PGS1: variants seen among roughly 807,000 people sequenced by gnomAD.
PGS1 encodes phosphatidylglycerophosphate synthase 1.
In PGS1, 44 loss-of-function variants were observed where a neutral mutation model predicts 58.3. The ratio of observed to expected loss-of-function variants is 0.75; its 90% CI spans 0.59 to 0.97. The LOEUF (loss-of-function observed/expected upper bound fraction) is 0.97. Ranked by LOEUF, PGS1 falls within the 50% of genes least tolerant of loss-of-function variation. PGS1 has a pLI of 0.00. For missense variants in PGS1, 684 were observed against 731.1 expected (o/e 0.94, Z 0.74); for synonymous variants, 330 against 311.0 (o/e 1.06, Z -0.64).
intron 8 of PGS1, among the ~76,000 whole-genome samples, chr17:78,417,133 A>C (rs2085262669): frequency 1.3e-5 from 2 of 152,240 alleles, no homozygotes; most frequent in Admixed American, 1.3e-4. Context: ...GACCCAAGAA[A>C]GACTCCCTCG....
In PGS1 at chr17:78,383,336, C is replaced by A. The variant is rs528996954; in HGVS notation, c.143+4528C>A. Among the ~76,000 whole-genome samples the A allele has an allele frequency of 7.2e-5, 11 of 152,244 alleles. No homozygotes were observed. In the South Asian group the frequency reaches 2.3e-3, roughly 32 times the overall value. ...CTGCCTCCTGGCTTCAAGCGATTCT[C>A]CTGCCTCAGCCTCTCGAGTAGCTGG... On this transcript the variant is annotated intron_variant, in intron 1 of 9. Transcript: ENST00000262764.
At chr17:78,387,424 C>T (rs929557372) in intron 1 of PGS1, among the ~76,000 whole-genome samples, 11 of 145,452 alleles carry the variant, frequency 7.6e-5, no homozygotes, top group African/African-American at 1.3e-4. Context: ...CTCAGCCTCC[C>T]GAGTAGCTGG....
intron 7 of PGS1, among the ~76,000 whole-genome samples, chr17:78,408,956 G>A (rs914622273): frequency 3.3e-5 from 5 of 152,244 alleles, no homozygotes; most frequent in African/African-American, 1.2e-4. Context: ...CTGATCGGGG[G>A]TGGGGTACAG....
intron 7 of PGS1, among the ~76,000 whole-genome samples, chr17:78,413,704 G>A (rs898915766): frequency 5.3e-5 from 8 of 152,200 alleles, no homozygotes; most frequent in East Asian, 3.8e-4. Flanking sequence ...GAGGAAGGGC[G>A]TCTCAGGCAG....
At position 78,384,816 on chromosome 17, in the gene PGS1, A is replaced by C. The variant is rs536922098; in HGVS notation, c.143+6008A>C. On this transcript the variant is annotated intron_variant, in intron 1 of 9. Transcript: ENST00000262764. ...GTCCCATTGGTAGTGGGTGACAGTC[A>C]GTACTGCAGCTCTAGGGGGAAACAC... Among the ~76,000 whole-genome samples, 32 of 152,378 alleles carry C rather than the reference A, an allele frequency of 2.1e-4. 1 individual carries two copies. The South Asian group carries it at 6.2e-3, about 30-fold the overall frequency.
intron 6 of PGS1, among the ~76,000 whole-genome samples, chr17:78,402,068 C>T (rs1305283868): frequency 1.3e-5 from 2 of 152,156 alleles, no homozygotes; most frequent in Non-Finnish European, 1.5e-5. Context: ...CCCGGTGCTC[C>T]TCCCTCCGGC....
rs201682545 is a variant in PGS1 at position 78,424,148 on chromosome 17, G to A, written c.*98G>A. On this transcript the variant is annotated 3_prime_UTR_variant, in exon 10 of 10. Transcript: ENST00000262764. ...ATGACTCCAGTCTGGGTGTCCCAGC[G>A]AGCCCCTGCAGGGACAGTATGGCTG... is the stretch of plus-strand genomic sequence containing the variant. The A allele has an allele frequency of 1.4e-4, 225 of 1,610,516 alleles. No individual in the cohort carries two copies. The highest frequency in any genetic ancestry group is 1.3e-3 in the Middle Eastern group (8 of 6,054).
chr17:78,403,659 G>T lies in PGS1; in HGVS notation c.972G>T (p.Gln324His). 1 of 1,614,170 alleles carries T rather than the reference G, an allele frequency of 6.2e-7. No individual in the cohort carries two copies. Among genetic ancestry groups the T allele is most frequent in the African/African-American group, 1.3e-5 (1 of 75,036 alleles). ...ARTRQQMLHA[Q>H]TFHSNSLLTQ... ...CCCGCCAGCAGATGCTGCATGCCCA[G>T]ACCTTCCACAGCAACTCTCTTTTGA... Residue 324 changes from glutamine (Q) to histidine (H), a missense_variant, in exon 7 of 10, where the codon CAG becomes CAT. By Grantham distance (24) the Gln-to-His change is conservative. Coordinates refer to ENST00000262764, the MANE Select transcript of PGS1 (RefSeq NM_024419.5).
At chr17:78,398,997 G>A (rs2083450658) in intron 4 of PGS1, among the ~76,000 whole-genome samples, 2 of 152,240 alleles carry the variant, frequency 1.3e-5, no homozygotes, top group South Asian at 2.1e-4. Context: ...GGAGCTGGGG[G>A]TGAGGGGCAA....
intron 3 of PGS1, among the ~76,000 whole-genome samples, 186 bp downstream of exon 3, chr17:78,396,571 G>A (rs1818993588): frequency 6.6e-6 from 1 of 152,142 alleles, no homozygotes; most frequent in Non-Finnish European, 1.5e-5. Flanking sequence ...CATGGGGGAG[G>A]GCCTGGTGAG....
chr17:78,407,424 A>G lies in PGS1; in HGVS notation c.1402+3335A>G, dbSNP rs1471536360. Among the ~76,000 whole-genome samples the G allele has an allele frequency of 5.9e-5, 9 of 152,186 alleles. 1 individual carries two copies. The highest frequency in any genetic ancestry group is 1.3e-4 in the Non-Finnish European group (9 of 68,022). ...GGCAGCGTGTGTCAGGTGAGAGATG[A>G]GTGGGCAGCCGCAGGGTGCTTGTGG... On this transcript the variant is annotated intron_variant, in intron 7 of 9. Transcript: ENST00000262764.
intron 1 of PGS1, among the ~76,000 whole-genome samples, chr17:78,390,320 G>A (rs1021268419): frequency 4.6e-5 from 4 of 87,430 alleles, no homozygotes; most frequent in Non-Finnish European, 7.3e-5. Flanking sequence ...CTCTAGAGAC[G>A]GGGGTGGGGG....
At chr17:78,397,044 G>T (rs2083278525) in intron 3 of PGS1, among the ~76,000 whole-genome samples, 1 of 152,236 alleles carries the variant, frequency 6.6e-6, no homozygotes, top group African/African-American at 2.4e-5. Flanking sequence ...CCAAGGGCTG[G>T]TGTCAAGTGC....
At chr17:78,394,432 C>T (rs990460218) in intron 2 of PGS1, among the ~76,000 whole-genome samples, 12 of 152,170 alleles carry the variant, frequency 7.9e-5, no homozygotes, top group African/African-American at 1.2e-4. Context: ...TTGTTCTCCC[C>T]TCTCACCTGC....
chr17:78,391,101 G>A (rs139565947), intron 1 of PGS1, among the ~76,000 whole-genome samples: 8 of 152,126 alleles, frequency 5.3e-5, no homozygotes, highest in African/African-American at 1.2e-4. Context: ...CATCATGCCC[G>A]GCTAATTTTT....
intron 7 of PGS1, among the ~76,000 whole-genome samples, chr17:78,407,744 C>T (rs1399792957): frequency 6.6e-6 from 1 of 152,258 alleles, no homozygotes; most frequent in African/African-American, 2.4e-5. Flanking sequence ...CAGCACAGCA[C>T]TCTCTGGGAG....
chr17:78,424,561 A>ATTAT lies in PGS1; in HGVS notation c.*513_*514insATTT, dbSNP rs59611852. The ATTAT allele has an allele frequency of 0.15, 25,333 of 165,220 alleles. 2,068 individuals carry two copies. Among genetic ancestry groups the ATTAT allele is most frequent in the Middle Eastern group, 0.19 (62 of 326 alleles). 10.2% of individuals were successfully genotyped at this position (165,220 alleles called of 1,614,324 possible). A position where few individuals can be genotyped will look rare whatever the true frequency, so the allele number is the denominator to read the frequency against. ...TAATTATACATCTGTGCATATAAAT[A>ATTAT]TTGCCTTTAACCAGACTGCTATTAT... On this transcript the variant is annotated 3_prime_UTR_variant, in exon 10 of 10. Transcript: ENST00000262764.
chr17:78,416,528 G>A (rs1055345739), intron 8 of PGS1, among the ~76,000 whole-genome samples: 1 of 152,180 alleles, frequency 6.6e-6, no homozygotes, highest in East Asian at 1.9e-4. Context: ...GGTACTGACC[G>A]TCCTCCCCCA....
At chr17:78,420,328 C>T (rs1190658170) in intron 9 of PGS1, 7 of 674,016 alleles carry the variant, frequency 1.0e-5, no homozygotes, top group Non-Finnish European at 1.3e-5. Context: ...CCTGAGGTAC[C>T]CCTGGACTGT....
Sources: allele counts gnomAD v4.1 joint callset (sites outside exome capture counted in the v4.1 genomes callset), GRCh38; gene constraint gnomAD v4.1.1; transcripts MANE v1.5; gene names NCBI Gene and HGNC (gene_info 2026-07-23, HGNC 2026-07-21).